The following TMEM132C variants were observed in gnomAD, a reference collection of about 807,000 sequenced individuals.
TMEM132C encodes protein phosphatase 1, regulatory subunit 152.
In TMEM132C, 29 loss-of-function variants were observed where a neutral mutation model predicts 61.4. That is an observed-to-expected ratio of 0.47 (90% confidence interval 0.35 to 0.64). TMEM132C has a LOEUF of 0.64. TMEM132C is among the 30% of genes least tolerant of loss of function. The pLI, the probability that TMEM132C is intolerant of heterozygous loss-of-function variation, is 0.00. For missense variants in TMEM132C, 1,408 were observed against 1,476.9 expected (o/e 0.95, Z 0.76); for synonymous variants, 656 against 633.1 (o/e 1.04, Z -0.54).
intron 3 of TMEM132C, among the ~76,000 whole-genome samples, chr12:128,550,043 C>G (rs7316561): frequency 0.11 from 17,156 of 152,308 alleles, 1,438 homozygotes; most frequent in African/African-American, 0.24. Context: ...CGTTAAATCT[C>G]TTTCACTGCT....
chr12:128,594,746 A>T (rs557482693), intron 3 of TMEM132C, among the ~76,000 whole-genome samples: 4 of 152,312 alleles, frequency 2.6e-5, no homozygotes, highest in Admixed American at 2.0e-4. Flanking sequence ...CAGTCCAGGG[A>T]TCCCACCTAA....
chr12:128,560,441 C>T (rs1430279521), intron 3 of TMEM132C, among the ~76,000 whole-genome samples: 2 of 152,154 alleles, frequency 1.3e-5, no homozygotes, highest in African/African-American at 2.4e-5. Context: ...ATGAGCTAAG[C>T]GTGTTTCTAC....
At chr12:128,686,395 A>G (rs1393201510) in intron 5 of TMEM132C, among the ~76,000 whole-genome samples, 3 of 152,114 alleles carry the variant, frequency 2.0e-5, no homozygotes, top group Non-Finnish European at 4.4e-5. Flanking sequence ...AGTTGGACCA[A>G]CCTGGGAAAC....
chr12:128,334,247 A>G (rs1448259196), intron 1 of TMEM132C, among the ~76,000 whole-genome samples: 2 of 152,178 alleles, frequency 1.3e-5, no homozygotes, highest in African/African-American at 4.8e-5. Context: ...TAAAATATTG[A>G]AATACCCAGG....
At chr12:128,640,069 G>A (rs1318229708) in intron 4 of TMEM132C, among the ~76,000 whole-genome samples, 1 of 152,164 alleles carries the variant, frequency 6.6e-6, no homozygotes, top group Non-Finnish European at 1.5e-5. Flanking sequence ...ATTGGAGGCT[G>A]CATCCCTGCT....
chr12:128,448,132 C>T (rs935492259), intron 2 of TMEM132C, among the ~76,000 whole-genome samples: 4 of 151,974 alleles, frequency 2.6e-5, no homozygotes, highest in African/African-American at 9.7e-5. Flanking sequence ...GTTGTTGTCA[C>T]TGGTGAAAAT....
intron 1 of TMEM132C, among the ~76,000 whole-genome samples, chr12:128,312,403 T>G (rs922243260): frequency 7.9e-5 from 12 of 152,106 alleles, no homozygotes. Flanking sequence ...CTTCCCAGGC[T>G]CAGGTGATCC....
chr12:128,389,695 G>A (rs1223069609), intron 1 of TMEM132C, among the ~76,000 whole-genome samples: 1 of 152,160 alleles, frequency 6.6e-6, no homozygotes, highest in African/African-American at 2.4e-5. Flanking sequence ...GTGCCTCTGA[G>A]TTGGCATAAA....
chr12:128,317,103 G>T (rs904764787), intron 1 of TMEM132C, among the ~76,000 whole-genome samples: 1 of 152,118 alleles, frequency 6.6e-6, no homozygotes, highest in Admixed American at 6.5e-5. Flanking sequence ...GGGACTTTTT[G>T]GCTGCTCAAA....
Position 128,705,544 on chromosome 12 carries a change from C to CGGCCAG in TMEM132C, c.2578_2583dup (p.Ala860_Arg861dup). 1 of 1,551,072 alleles carries CGGCCAG rather than the reference C, an allele frequency of 6.4e-7. No homozygotes were observed. The highest frequency in any genetic ancestry group is 8.7e-7 in the Non-Finnish European group (1 of 1,146,970). ...GGGGCTCTCCGAAGAGCCACTACCA[C>CGGCCAG]GGCCAGGTCCCTGCTGGACAACAAA... On this transcript the variant is annotated inframe_insertion, in exon 9 of 9. Transcript: ENST00000435159.
In TMEM132C at chr12:128,509,730, G is replaced by C. The variant is rs145755897; in HGVS notation, c.975-34227G>C. Among the ~76,000 whole-genome samples, 542 of 152,156 alleles carry C rather than the reference G, an allele frequency of 3.6e-3. 1 individual carries two copies. Among genetic ancestry groups the C allele is most frequent in the Non-Finnish European group, 4.9e-3 (331 of 67,988 alleles). On this transcript the variant is annotated intron_variant, in intron 2 of 8. Coordinates refer to ENST00000435159, the MANE Select transcript of TMEM132C (RefSeq NM_001136103.3). ...TCAGCACTGGGGAAAATTCCAGAAG[G>C]TCTGAGACCTCTGCAGAGGGAACAA...
At chr12:128,641,785 G>A (rs1194428357) in intron 4 of TMEM132C, among the ~76,000 whole-genome samples, 2 of 152,056 alleles carry the variant, frequency 1.3e-5, no homozygotes, top group East Asian at 1.9e-4. Context: ...TTATTTTCCC[G>A]TTTTTATTTT....
chr12:128,304,089 G>A (rs78992308), intron 1 of TMEM132C, among the ~76,000 whole-genome samples: 1,979 of 152,226 alleles, frequency 0.013, 39 homozygotes, highest in East Asian at 0.077. Flanking sequence ...GATTTGTTAC[G>A]TAACAGCTGA....
intron 3 of TMEM132C, among the ~76,000 whole-genome samples, chr12:128,592,800 G>C (rs1875802894): frequency 6.6e-6 from 1 of 152,202 alleles, no homozygotes; most frequent in Non-Finnish European, 1.5e-5. Context: ...TAACTGCAGG[G>C]TCCTGGCCCT....
At chr12:128,305,376 T>C (rs1170023681) in intron 1 of TMEM132C, among the ~76,000 whole-genome samples, 1 of 152,162 alleles carries the variant, frequency 6.6e-6, no homozygotes, top group African/African-American at 2.4e-5. Flanking sequence ...ATCTTGATAC[T>C]ACTCCCATCT....
At chr12:128,675,005 C>T (rs1348524633) in intron 5 of TMEM132C, among the ~76,000 whole-genome samples, 1 of 152,052 alleles carries the variant, frequency 6.6e-6, no homozygotes, top group Non-Finnish European at 1.5e-5. Context: ...TGGGACAGTA[C>T]CCAATGTGTA....
intron 2 of TMEM132C, among the ~76,000 whole-genome samples, chr12:128,522,535 C>T (rs142820167): frequency 6.6e-6 from 1 of 152,314 alleles, no homozygotes; most frequent in Non-Finnish European, 1.5e-5. Context: ...CAATCCCTAG[C>T]CAACCTTCAT....
chr12:128,375,299 C>T (rs984344296), intron 1 of TMEM132C, among the ~76,000 whole-genome samples: 11 of 152,038 alleles, frequency 7.2e-5, no homozygotes, highest in Non-Finnish European at 1.2e-4. Flanking sequence ...CTAGGGATGC[C>T]GTGACAATGA....
At chr12:128,328,786 T>TA (rs71069557) in intron 1 of TMEM132C, among the ~76,000 whole-genome samples, 6,237 of 93,774 alleles carry the variant, frequency 0.067, 263 homozygotes, top group African/African-American at 0.11. Flanking sequence ...GATTCTGTCT[T>TA]AAAAAAAAAA....
Sources: gnomAD v4.1 joint callset for allele counts (sites outside exome capture counted in the v4.1 genomes callset) on GRCh38, gnomAD v4.1.1 for gene constraint, MANE v1.5 for transcripts, NCBI Gene and HGNC (gene_info 2026-07-23, HGNC 2026-07-21) for gene names.